The following FLT1 variants were observed in gnomAD, a reference collection of about 807,000 sequenced individuals.
FLT1 encodes the protein vascular endothelial growth factor receptor 1.
A neutral mutation model predicts 156.3 loss-of-function variants in FLT1; 49 were observed. The observed-to-expected ratio is 0.31, with a 90% CI of 0.25 to 0.40. The LOEUF (loss-of-function observed/expected upper bound fraction) is 0.40. FLT1 is among the 10% of genes least tolerant of loss of function. FLT1 has a pLI of 1.00. For missense variants in FLT1, 1,322 were observed against 1,637.2 expected (o/e 0.81, Z 3.32); for synonymous variants, 594 against 583.8 (o/e 1.02, Z -0.25).
At chr13:28,308,799 G>A (rs748333380) in intron 28 of FLT1, 44 bp downstream of exon 28, 1 of 1,135,956 alleles carries the variant, frequency 8.8e-7, no homozygotes, top group Non-Finnish European at 1.3e-6. Flanking sequence ...ATCTGAAGAA[G>A]GGGTCTATCG....
chr13:28,394,234 TA>T (rs1874907351), intron 12 of FLT1, among the ~76,000 whole-genome samples: 1 of 152,234 alleles, frequency 6.6e-6, no homozygotes, highest in Non-Finnish European at 1.5e-5. Flanking sequence ...AGGGAAAGTA[TA>T]TTCCAGGCAA....
At position 28,384,940 on chromosome 13, in the gene FLT1, G is replaced by A. The variant is rs11843776; in HGVS notation, c.2061C>T (p.Val687=). 2,955 of 1,614,084 alleles carry A rather than the reference G, an allele frequency of 1.8e-3. 58 individuals carry two copies. The African/African-American group carries it at 0.035, about 19-fold the overall frequency. The change falls in exon 14 of 30, where the codon GTC becomes GTT. Residue 687 remains valine, a synonymous_variant. Transcript: ENST00000282397. ...TAAACCAAGTGATCTGAGGCTCGGG[G>A]ACACCATTAGCATGACAGTCTAAAG... ...STTLDCHANG[V]PEPQITWFKN...
At chr13:28,313,571 G>A (rs1871089655) in intron 25 of FLT1, among the ~76,000 whole-genome samples, 2 of 152,174 alleles carry the variant, frequency 1.3e-5, no homozygotes, top group Admixed American at 6.5e-5. Flanking sequence ...CACTATGTGG[G>A]CTGGGCCTCA....
rs770523828 is a variant in FLT1 at position 28,427,830 on chromosome 13, C to T, written c.1198G>A (p.Ala400Thr). 3.1e-6 allele frequency: 5 copies of T among 1,613,858 alleles called. No homozygotes were observed. The African/African-American group carries it at 4.0e-5, about 13-fold the overall frequency. The part of the protein sequence containing the change: ...LIIKDVTEED[A>T]GNYTILLSIK... ...CTCAGCAAGATTGTATAATTCCCTG[C>T]ATCCTCTTCAGTTACGTCCTTGATA... Residue 400 changes from alanine to threonine, a missense_variant, in exon 9 of 30, where the codon GCA becomes ACA. Physicochemically the swap from Ala to Thr is moderately conservative, Grantham distance 58 (BLOSUM62 0). This residue lies in a region of FLT1 where 991 missense variants were observed against 1,254.8 expected (regional missense o/e 0.79). Transcript: ENST00000282397.
intron 14 of FLT1, among the ~76,000 whole-genome samples, chr13:28,371,422 C>T (rs1282368665): frequency 6.6e-6 from 1 of 152,160 alleles, no homozygotes; most frequent in Non-Finnish European, 1.5e-5. Flanking sequence ...CTGTCCCTCC[C>T]AGGATGTGAA....
intron 12 of FLT1, among the ~76,000 whole-genome samples, chr13:28,393,724 A>G (rs1408098510): frequency 6.6e-6 from 1 of 152,068 alleles, no homozygotes; most frequent in Admixed American, 6.6e-5. Context: ...GTAGGTGGGA[A>G]TACAGGCACG....
intron 10 of FLT1, among the ~76,000 whole-genome samples, chr13:28,425,329 A>G (rs1877275680): frequency 6.6e-6 from 1 of 152,240 alleles, no homozygotes; most frequent in South Asian, 2.1e-4. Flanking sequence ...CAAATGGCCA[A>G]CAAACATTTA....
chr13:28,491,866 A>G (rs191348057), intron 1 of FLT1, among the ~76,000 whole-genome samples: 160 of 152,364 alleles, frequency 1.1e-3, no homozygotes, highest in African/African-American at 3.8e-3. Flanking sequence ...CCACTTGGTG[A>G]TCGTTAGAAA....
At chr13:28,407,249 T>G (rs1161089778) in intron 10 of FLT1, among the ~76,000 whole-genome samples, 1 of 152,184 alleles carries the variant, frequency 6.6e-6, no homozygotes, top group Non-Finnish European at 1.5e-5. Flanking sequence ...CTACTTTCTT[T>G]AATTGTTTAT....
intron 13 of FLT1, chr13:28,388,840 C>T (rs1341024484): frequency 1.9e-6 from 2 of 1,061,990 alleles, no homozygotes. Flanking sequence ...GATGAAGTTC[C>T]TTAAAATAAT....
intron 29 of FLT1, among the ~76,000 whole-genome samples, chr13:28,304,393 C>G (rs1870650546): frequency 6.6e-6 from 1 of 152,078 alleles, no homozygotes; most frequent in Non-Finnish European, 1.5e-5. Context: ...CCTGTCTTTC[C>G]CATTTACTTG....
chr13:28,475,134 C>A (rs544342436), intron 1 of FLT1, among the ~76,000 whole-genome samples: 38 of 152,280 alleles, frequency 2.5e-4, no homozygotes, highest in African/African-American at 9.1e-4. Context: ...TTCCCTCCCC[C>A]GTTACAATCT....
intron 14 of FLT1, among the ~76,000 whole-genome samples, chr13:28,372,072 A>ATTTTT (rs1565990471): frequency 5.8e-4 from 9 of 15,512 alleles, no homozygotes; most frequent in Non-Finnish European, 9.2e-4. Flanking sequence ...ATATATATAT[A>ATTTTT]TATATTTTTT....
chr13:28,323,480 C>A (rs1167983356), intron 20 of FLT1, among the ~76,000 whole-genome samples: 1 of 151,952 alleles, frequency 6.6e-6, no homozygotes, highest in Non-Finnish European at 1.5e-5. Context: ...GGAGAAACCC[C>A]GTCTCTACTG....
intron 1 of FLT1, among the ~76,000 whole-genome samples, chr13:28,476,014 G>A (rs937474649): frequency 6.6e-6 from 1 of 152,170 alleles, no homozygotes; most frequent in African/African-American, 2.4e-5. Context: ...CAGTCCCACA[G>A]TTAGCAATGA....
chr13:28,353,635 A>G (rs1872803221), intron 15 of FLT1, among the ~76,000 whole-genome samples: 1 of 152,156 alleles, frequency 6.6e-6, no homozygotes. Flanking sequence ...ATAATTATAA[A>G]GCATAGCTTA....
chr13:28,480,666 C>A (rs1407470316), intron 1 of FLT1, among the ~76,000 whole-genome samples: 2 of 152,174 alleles, frequency 1.3e-5, no homozygotes, highest in Non-Finnish European at 2.9e-5. Context: ...TTTCTTCTAA[C>A]AGTTTCACAT....
intron 4 of FLT1, among the ~76,000 whole-genome samples, chr13:28,436,051 A>AT (rs1425130157): frequency 6.6e-6 from 1 of 152,134 alleles, no homozygotes; most frequent in Non-Finnish European, 1.5e-5. Context: ...ATACACTAAA[A>AT]TTTCCTCCGA....
intron 9 of FLT1, 56 bp downstream of exon 9, chr13:28,427,696 T>C: frequency 6.9e-7 from 1 of 1,451,684 alleles, no homozygotes; most frequent in Non-Finnish European, 9.7e-7. Context: ...AATTCATAAA[T>C]GTTCACTAAT....
Sources: allele counts gnomAD v4.1 joint callset (sites outside exome capture counted in the v4.1 genomes callset), GRCh38; gene constraint gnomAD v4.1.1; regional missense constraint gnomAD v4.1.1; transcripts MANE v1.5; gene names NCBI Gene and HGNC (gene_info 2026-07-23, HGNC 2026-07-21).